BANK1: variants seen among roughly 807,000 people sequenced by gnomAD.
BANK1 encodes B cell scaffold protein with ankyrin repeats 1.
BANK1 carries 95 observed loss-of-function variants against 94.5 expected under a neutral mutation model. The ratio of observed to expected loss-of-function variants is 1.00; its 90% CI spans 0.85 to 1.19. BANK1 has a LOEUF of 1.19. BANK1 is among the 50% of genes most tolerant of loss of function. BANK1 has a pLI of 0.00. For missense variants in BANK1, 987 were observed against 932.2 expected, an observed-to-expected ratio of 1.06 and a Z score of -0.77; for synonymous variants, 334 against 308.4, an observed-to-expected ratio of 1.08 and a Z score of -0.87.
chr4:101,855,605 C>T (rs1727651429), intron 3 of BANK1, among the ~76,000 whole-genome samples: 1 of 152,158 alleles, frequency 6.6e-6, no homozygotes, highest in African/African-American at 2.4e-5. Context: ...TGTGACTTCA[C>T]ATTTTGCAAA....
At chr4:101,985,726 C>A (rs565318328) in intron 7 of BANK1, among the ~76,000 whole-genome samples, 4 of 151,806 alleles carry the variant, frequency 2.6e-5, no homozygotes, top group African/African-American at 9.7e-5. Flanking sequence ...AAACTTTCTT[C>A]CAAAATGAAA....
At position 102,056,238 on chromosome 4, in the gene BANK1, C is replaced by T. The variant is rs76844977; in HGVS notation, c.1970-3973C>T. Reference sequence around the variant, plus strand: ...ATTGACACTAAGTATACATCAATAGCTTTAAAAGTGATCATACTCAAAAAT... The same window carrying T: ...ATTGACACTAAGTATACATCAATAGTTTTAAAAGTGATCATACTCAAAAAT... On this transcript the variant is annotated intron_variant, in intron 11 of 16. Transcript: ENST00000322953. Among the ~76,000 whole-genome samples, 891 of 152,224 alleles carry T rather than the reference C, an allele frequency of 5.9e-3. 27 individuals carry two copies. In the East Asian group the frequency reaches 0.066, roughly 11 times the overall value.
chr4:102,071,678 G>A (rs1488807171), intron 14 of BANK1, among the ~76,000 whole-genome samples: 1 of 152,198 alleles, frequency 6.6e-6, no homozygotes, highest in South Asian at 2.1e-4. Flanking sequence ...AATGATATAT[G>A]TAAATGGAAG....
chr4:101,812,815 T>A (rs1725770030), intron 1 of BANK1, among the ~76,000 whole-genome samples: 1 of 151,946 alleles, frequency 6.6e-6, no homozygotes, highest in South Asian at 2.1e-4. Context: ...CAGAAAAGAG[T>A]TTGGTATTCA....
chr4:101,889,685 C>T (rs938405896), intron 5 of BANK1, among the ~76,000 whole-genome samples: 1 of 147,198 alleles, frequency 6.8e-6, no homozygotes, highest in African/African-American at 2.5e-5. Flanking sequence ...ATTTTGAGTT[C>T]AGCTGTTATA....
chr4:101,908,737 G>A (rs961730664), intron 6 of BANK1, among the ~76,000 whole-genome samples: 3 of 152,184 alleles, frequency 2.0e-5, no homozygotes, highest in Admixed American at 2.0e-4. Flanking sequence ...CCATCAAAAA[G>A]TGGGCGAAGG....
At chr4:101,994,755 G>A (rs926535896) in intron 7 of BANK1, among the ~76,000 whole-genome samples, 1 of 152,016 alleles carries the variant, frequency 6.6e-6, no homozygotes, top group African/African-American at 2.4e-5. Context: ...TACATTTCTT[G>A]TGATATTTAA....
intron 7 of BANK1, among the ~76,000 whole-genome samples, chr4:101,926,424 G>T (rs1723154817): frequency 6.6e-6 from 1 of 151,584 alleles, no homozygotes; most frequent in Non-Finnish European, 1.5e-5. Context: ...TAAATTTTGG[G>T]TTTGTTTTAC....
intron 7 of BANK1, among the ~76,000 whole-genome samples, chr4:101,943,387 G>A (rs1723816376): frequency 1.3e-5 from 2 of 151,868 alleles, no homozygotes; most frequent in African/African-American, 4.8e-5. Flanking sequence ...CTGCTTCTGA[G>A]GAGCTGAACT....
intron 1 of BANK1, among the ~76,000 whole-genome samples, chr4:101,823,050 A>C (rs1578337845): frequency 6.6e-6 from 1 of 152,120 alleles, no homozygotes; most frequent in African/African-American, 2.4e-5. Flanking sequence ...TTGATAGTTT[A>C]TTTTGCAGTG....
At chr4:101,908,458 A>G (rs2148896332) in intron 6 of BANK1, among the ~76,000 whole-genome samples, 1 of 152,346 alleles carries the variant, frequency 6.6e-6, no homozygotes, top group Middle Eastern at 3.4e-3. Flanking sequence ...AAACCCTAGA[A>G]GAAAACCTAA....
At chr4:102,010,244 G>T (rs540387265) in intron 7 of BANK1, among the ~76,000 whole-genome samples, 2 of 151,982 alleles carry the variant, frequency 1.3e-5, no homozygotes, top group Non-Finnish European at 2.9e-5. Context: ...CAGCCTGGGC[G>T]ACAGAGTGAA....
At chr4:101,826,607 A>T (rs1211557379) in intron 1 of BANK1, among the ~76,000 whole-genome samples, 1 of 152,012 alleles carries the variant, frequency 6.6e-6, no homozygotes, top group East Asian at 1.9e-4. Context: ...AAAAATACTG[A>T]ATTATGGCAT....
At chr4:101,882,341 T>C (rs1728708764) in intron 5 of BANK1, among the ~76,000 whole-genome samples, 1 of 152,214 alleles carries the variant, frequency 6.6e-6, no homozygotes, top group African/African-American at 2.4e-5. Context: ...CTTAAGAAAG[T>C]GTTGAACTCT....
intron 1 of BANK1, among the ~76,000 whole-genome samples, chr4:101,817,856 A>G (rs948802109): frequency 1.3e-5 from 2 of 149,142 alleles, no homozygotes; most frequent in Non-Finnish European, 3.0e-5. Context: ...ATTTTTTTTT[A>G]GCTCATCAGC....
chr4:101,840,641 A>T (rs566429592), intron 2 of BANK1, among the ~76,000 whole-genome samples: 154 of 152,314 alleles, frequency 1.0e-3, no homozygotes, highest in Non-Finnish European at 2.0e-3. Flanking sequence ...TCCCATAAGG[A>T]ATACTTTTAG....
chr4:101,838,977 T>C (rs1726931957), intron 2 of BANK1, among the ~76,000 whole-genome samples: 2 of 152,248 alleles, frequency 1.3e-5, no homozygotes, highest in Admixed American at 6.5e-5. Flanking sequence ...GCCATATTTT[T>C]ATATTTCACA....
intron 2 of BANK1, among the ~76,000 whole-genome samples, chr4:101,844,174 A>G: frequency 6.6e-6 from 1 of 152,154 alleles, no homozygotes; most frequent in East Asian, 1.9e-4. Context: ...AAAGTAAATA[A>G]TATGTAAATA....
At chr4:101,856,490 C>T (rs368296728) in intron 3 of BANK1, among the ~76,000 whole-genome samples, 3 of 152,218 alleles carry the variant, frequency 2.0e-5, no homozygotes, top group Admixed American at 6.5e-5. Flanking sequence ...ATGGCAACTA[C>T]TCTCAAGTAG....
Sources: gnomAD v4.1 joint callset for allele counts (sites outside exome capture counted in the v4.1 genomes callset) on GRCh38, gnomAD v4.1.1 for gene constraint, MANE v1.5 for transcripts, NCBI Gene and HGNC (gene_info 2026-07-23, HGNC 2026-07-21) for gene names.